The following STAM variants were observed in gnomAD, a reference collection of about 807,000 sequenced individuals.
The protein encoded by STAM is signal transducing adaptor molecule, also known as signal transducing adapter molecule 1.
STAM carries 16 observed loss-of-function variants against 63.4 expected under a neutral mutation model. The ratio of observed to expected loss-of-function variants is 0.25; its 90% confidence interval spans 0.17 to 0.38. STAM has a LOEUF of 0.38. Among genes scored for constraint, STAM ranks in the 10% least tolerant of loss-of-function variants. STAM has a pLI of 1.00. For synonymous variants in STAM, 238 were observed against 223.9 expected, an observed-to-expected ratio of 1.06 and a Z score of -0.56; for missense variants, 636 against 657.1, an observed-to-expected ratio of 0.97 and a Z score of 0.35.
Position 17,644,215 on chromosome 10 carries a change from T to C in STAM, c.-125T>C. 9.6e-7 allele frequency: 1 copy of C among 1,045,382 alleles called. No homozygotes were observed. The highest frequency in any genetic ancestry group is 1.4e-6 in the Non-Finnish European group (1 of 690,346). The allele number at this position is 1,045,382 out of a possible 1,614,324, so 64.8% of individuals were successfully genotyped here. On this transcript the variant is annotated 5_prime_UTR_variant, in exon 1 of 14. Coordinates refer to ENST00000377524, the MANE Select transcript of STAM (RefSeq NM_003473.4). The stretch of plus-strand genomic sequence containing the variant: ...TGGGGTTGGGTGAGAGGAGGAGCTG[T>C]CGCGGACCCTGTAGAGTCGGTCTCT...
chr10:17,682,708 A>T (rs1043159477), intron 2 of STAM, among the ~76,000 whole-genome samples: 14 of 152,196 alleles, frequency 9.2e-5, no homozygotes, highest in Non-Finnish European at 1.8e-4. Flanking sequence ...ATGAAAAAAA[A>T]TGTGTATAAT....
At chr10:17,713,741 T>G (rs1345380886) in intron 13 of STAM, among the ~76,000 whole-genome samples, 1 of 152,120 alleles carries the variant, frequency 6.6e-6, no homozygotes, top group Non-Finnish European at 1.5e-5. Context: ...TCTCTCCTGG[T>G]GGATCGTAAT....
rs10673746 is a variant in STAM, at chr10:17,666,387, ATTTTTT to A, written c.125+5859_125+5864del. 2.2e-4 allele frequency among the ~76,000 whole-genome samples: 19 copies of A among 85,912 alleles called. No individual in the cohort carries two copies. In the East Asian group the frequency reaches 4.6e-3, roughly 21 times the overall value. The allele number at this position is 85,912 out of a possible 152,430, so 56.4% of individuals were successfully genotyped here. A position where few individuals can be genotyped will look rare whatever the true frequency, so the allele number is the denominator to read the frequency against. ...TAAAAATGTTTTTCCTTGGCTTTGT[ATTTTTT>A]TTTTTTTTTTTTTTTTTTTGAGACA... On this transcript the variant is annotated intron_variant, in intron 2 of 13. Transcript: ENST00000377524.
chr10:17,709,003 A>T (rs2272143), intron 13 of STAM, 52 bp downstream of exon 13: 118,378 of 1,563,114 alleles, frequency 0.076, 4,761 homozygotes, highest in Middle Eastern at 0.13. Context: ...CAGCTGTTTA[A>T]GTGCCCCCAG....
intron 2 of STAM, among the ~76,000 whole-genome samples, chr10:17,682,094 T>C (rs1835110166): frequency 6.6e-6 from 1 of 152,200 alleles, no homozygotes; most frequent in Admixed American, 6.5e-5. Flanking sequence ...TTTTGACAAA[T>C]ATATATACCT....
intron 1 of STAM, among the ~76,000 whole-genome samples, chr10:17,657,061 C>G (rs532974230): frequency 2.5e-4 from 38 of 152,190 alleles, no homozygotes; most frequent in Admixed American, 2.3e-3. Flanking sequence ...GCTTTTTTCC[C>G]TTTTCTGGTG....
rs1005855701 is a variant in STAM at position 17,644,282 on chromosome 10, C to T, written c.-58C>T. 250 of 1,598,570 alleles carry T rather than the reference C, an allele frequency of 1.6e-4. No homozygotes were observed. Among genetic ancestry groups the T allele is most frequent in the South Asian group, 1.5e-3 (132 of 90,706 alleles). ...GAGGAGTCTTCCATCCTACGTCGAG[C>T]TCTGACTCCCGTGCTGTCGAGAGGG... On this transcript the variant is annotated 5_prime_UTR_variant, in exon 1 of 14. Coordinates refer to ENST00000377524, the MANE Select transcript of STAM (RefSeq NM_003473.4).
chr10:17,710,407 T>C (rs1244656128), intron 13 of STAM, among the ~76,000 whole-genome samples: 6 of 152,212 alleles, frequency 3.9e-5, no homozygotes, highest in African/African-American at 7.2e-5. Context: ...ACCCTACCCA[T>C]AGAGTGTAGC....
intron 2 of STAM, among the ~76,000 whole-genome samples, chr10:17,661,267 G>A (rs782216547): frequency 3.3e-5 from 5 of 152,144 alleles, no homozygotes; most frequent in Non-Finnish European, 5.9e-5. Flanking sequence ...CACACAAATG[G>A]TATTGTCTTA....
chr10:17,650,448 T>C (rs1394920804), intron 1 of STAM, among the ~76,000 whole-genome samples: 1 of 152,246 alleles, frequency 6.6e-6, no homozygotes, highest in Non-Finnish European at 1.5e-5. Context: ...ATTTTTCTTC[T>C]CAATTATGCT....
intron 2 of STAM, among the ~76,000 whole-genome samples, chr10:17,661,964 A>G (rs535235409): frequency 6.6e-6 from 1 of 152,198 alleles, no homozygotes; most frequent in African/African-American, 2.4e-5. Context: ...AATTTAATTG[A>G]AAATTTTTAA....
intron 12 of STAM, 119 bp downstream of exon 12, chr10:17,705,860 G>C (rs1836240459): frequency 5.6e-6 from 5 of 891,226 alleles, no homozygotes; most frequent in African/African-American, 1.7e-5. Flanking sequence ...TTGAGACCAG[G>C]AGTTTAAGAC....
chr10:17,655,288 A>G (rs1489950422), intron 1 of STAM, among the ~76,000 whole-genome samples: 2 of 152,194 alleles, frequency 1.3e-5, no homozygotes, highest in Non-Finnish European at 2.9e-5. Context: ...ATTGCCTGCA[A>G]GTAAATCGCT....
At chr10:17,651,261 C>G (rs1441306311) in intron 1 of STAM, among the ~76,000 whole-genome samples, 2 of 152,010 alleles carry the variant, frequency 1.3e-5, no homozygotes, top group Non-Finnish European at 2.9e-5. Context: ...AGGTGTGGAT[C>G]CTCTGGCTTG....
chr10:17,664,949 T>C (rs1554823247), intron 2 of STAM, among the ~76,000 whole-genome samples: 1 of 152,148 alleles, frequency 6.6e-6, no homozygotes, highest in African/African-American at 2.4e-5. Context: ...ACTAGTAATA[T>C]ATAGTAGAAT....
chr10:17,713,004 C>T (rs117775167), intron 13 of STAM, among the ~76,000 whole-genome samples: 1 of 152,114 alleles, frequency 6.6e-6, no homozygotes, highest in South Asian at 2.1e-4. Flanking sequence ...TCCACTAGTC[C>T]TTTGGGACCG....
At chr10:17,658,373 G>T (rs896903245) in intron 1 of STAM, among the ~76,000 whole-genome samples, 2 of 152,096 alleles carry the variant, frequency 1.3e-5, no homozygotes, top group Non-Finnish European at 2.9e-5. Flanking sequence ...CTTGGTGAAT[G>T]CTGCATGAGA....
At chr10:17,683,712 A>C (rs2570286) in intron 2 of STAM, among the ~76,000 whole-genome samples, 11,641 of 152,152 alleles carry the variant, frequency 0.077, 532 homozygotes, top group Admixed American at 0.11. Context: ...GCATGCTTAT[A>C]ATAGCTTATA....
chr10:17,652,338 A>G (rs1483556186), intron 1 of STAM, among the ~76,000 whole-genome samples: 2 of 152,204 alleles, frequency 1.3e-5, no homozygotes, highest in Non-Finnish European at 2.9e-5. Context: ...GATGTGAACA[A>G]TTTTAGATTT....
Sources: gnomAD v4.1 joint callset for allele counts (sites outside exome capture counted in the v4.1 genomes callset) on GRCh38, gnomAD v4.1.1 for gene constraint, MANE v1.5 for transcripts, NCBI Gene and HGNC (gene_info 2026-07-23, HGNC 2026-07-21) for gene names.